PTPRO: variants seen among roughly 807,000 people sequenced by gnomAD.
PTPRO encodes receptor-type tyrosine-protein phosphatase O.
In PTPRO, 62 loss-of-function variants were observed where a neutral mutation model predicts 145.2. The ratio of observed to expected loss-of-function variants is 0.43; its 90% CI spans 0.35 to 0.53. The LOEUF (loss-of-function observed/expected upper bound fraction) is 0.53, where lower values mean the gene tolerates loss of function less well. Ranked by LOEUF, PTPRO falls within the 20% of genes least tolerant of loss-of-function variation. The probability of loss-of-function intolerance (pLI) is 0.01; values close to 1 mark genes in which losing one functional copy is unlikely to be tolerated. For synonymous variants in PTPRO, 565 were observed against 514.7 expected (o/e 1.10, Z -1.32); for missense variants, 1,345 against 1,482.7 (o/e 0.91, Z 1.53).
chr12:15,565,768 T>G (rs993621763), intron 18 of PTPRO, 140 bp downstream of exon 18: 2 of 623,008 alleles, frequency 3.2e-6, no homozygotes, highest in Non-Finnish European at 5.8e-6. Context: ...AGCACAATAA[T>G]GTACTGGTTG....
intron 1 of PTPRO, among the ~76,000 whole-genome samples, chr12:15,359,947 C>T (rs1398200763): frequency 6.6e-6 from 1 of 152,210 alleles, no homozygotes; most frequent in East Asian, 1.9e-4. Flanking sequence ...ATTCCCCAAG[C>T]ATTTTCCTCA....
At chr12:15,436,712 A>C (rs1940604503) in intron 1 of PTPRO, among the ~76,000 whole-genome samples, 1 of 152,256 alleles carries the variant, frequency 6.6e-6, no homozygotes, top group South Asian at 2.1e-4. Flanking sequence ...AAAGTCAGCC[A>C]TGCTTTGGTG....
In PTPRO at chr12:15,569,406, G is replaced by A. The variant is rs371357216; in HGVS notation, c.2748-11G>A. The A allele has an allele frequency of 6.2e-7, 1 of 1,605,530 alleles. No homozygotes were observed. The highest frequency in any genetic ancestry group is 1.7e-5 in the Admixed American group (1 of 59,970). On this transcript the variant is annotated splice_polypyrimidine_tract_variant and intron_variant, in intron 18 of 26. Coordinates refer to ENST00000281171, the MANE Select transcript of PTPRO (RefSeq NM_030667.3). The stretch of plus-strand genomic sequence containing the variant: ...TTAAAATGTATGTATATTTCTTTGT[G>A]TTTGGCAAAGCCCGGTTCAACTGGA...
At chr12:15,460,009 G>A (rs1591830827) in intron 1 of PTPRO, among the ~76,000 whole-genome samples, 1 of 152,300 alleles carries the variant, frequency 6.6e-6, no homozygotes, top group East Asian at 1.9e-4. Context: ...TGTTGCTGTA[G>A]TAGTGGAAAC....
At chr12:15,373,391 T>C (rs1300384029) in intron 1 of PTPRO, among the ~76,000 whole-genome samples, 4 of 152,208 alleles carry the variant, frequency 2.6e-5, no homozygotes, top group Admixed American at 2.0e-4. Flanking sequence ...TGGAGTTTCA[T>C]ACTGAAAGAT....
chr12:15,388,958 T>C (rs566936296), intron 1 of PTPRO, among the ~76,000 whole-genome samples: 1 of 152,242 alleles, frequency 6.6e-6, no homozygotes, highest in South Asian at 2.1e-4. Context: ...CCTCTTTCCT[T>C]ACTCTCACTG....
At chr12:15,356,802 C>T (rs1938006011) in intron 1 of PTPRO, among the ~76,000 whole-genome samples, 1 of 152,066 alleles carries the variant, frequency 6.6e-6, no homozygotes, top group South Asian at 2.1e-4. Context: ...TATTCCTTTT[C>T]TTTTTATTTT....
chr12:15,428,882 C>A (rs1211445863), intron 1 of PTPRO, among the ~76,000 whole-genome samples: 1 of 152,016 alleles, frequency 6.6e-6, no homozygotes, highest in Non-Finnish European at 1.5e-5. Flanking sequence ...AAGATGATTG[C>A]CAAAAAAGTG....
chr12:15,525,088 TCTG>T (rs1659178290), intron 11 of PTPRO, 123 bp downstream of exon 11: 1 of 1,216,210 alleles, frequency 8.2e-7, no homozygotes, highest in African/African-American at 1.5e-5. Context: ...TGTTTTAGGC[TCTG>T]GAGATAAGAC....
At chr12:15,595,481 C>T (rs11056575) in intron 26 of PTPRO, 1 of 202,962 alleles carries the variant, frequency 4.9e-6, no homozygotes, top group African/African-American at 2.3e-5. Flanking sequence ...CTCCTAAAAC[C>T]AAAAACAACA....
At chr12:15,501,215 AGC>A (rs1399826120) in intron 4 of PTPRO, among the ~76,000 whole-genome samples, 2 of 152,208 alleles carry the variant, frequency 1.3e-5, no homozygotes, top group African/African-American at 4.8e-5. Flanking sequence ...TCATCTTCAT[AGC>A]TATAAGTACA....
intron 12 of PTPRO, among the ~76,000 whole-genome samples, chr12:15,529,432 C>A (rs978421654): frequency 2.0e-5 from 3 of 148,350 alleles, no homozygotes; most frequent in Non-Finnish European, 4.4e-5. Flanking sequence ...GTTGGTGAAT[C>A]GCTTGAGCCC....
At chr12:15,348,513 C>G (rs982553542) in intron 1 of PTPRO, 1 of 152,144 alleles carries the variant, frequency 6.6e-6, no homozygotes, top group South Asian at 2.1e-4. Flanking sequence ...AATCCCAGCA[C>G]TTTGGGAGGC....
chr12:15,579,793 A>C (rs1944269957), intron 20 of PTPRO, among the ~76,000 whole-genome samples: 2 of 152,190 alleles, frequency 1.3e-5, no homozygotes, highest in South Asian at 4.1e-4. Context: ...ACACCTAAAC[A>C]ATCCTGGAAA....
At chr12:15,500,185 C>A (rs530294950) in intron 4 of PTPRO, among the ~76,000 whole-genome samples, 12 of 151,842 alleles carry the variant, frequency 7.9e-5, no homozygotes, top group Admixed American at 7.9e-4. Context: ...TAAGCAAAAT[C>A]GTATGTGCCT....
At chr12:15,509,590 G>A (rs1808324) in intron 7 of PTPRO, among the ~76,000 whole-genome samples, 86,407 of 150,368 alleles carry the variant, frequency 0.57, 26,151 homozygotes, top group Admixed American at 0.66. Flanking sequence ...CCAGCTACTC[G>A]GGAAGCTGAG....
intron 1 of PTPRO, among the ~76,000 whole-genome samples, chr12:15,470,025 G>C (rs899720214): frequency 1.3e-5 from 2 of 152,162 alleles, no homozygotes; most frequent in South Asian, 2.1e-4. Context: ...GTGAGAGACT[G>C]TCACTTAAGT....
intron 1 of PTPRO, among the ~76,000 whole-genome samples, chr12:15,419,433 G>A (rs1940071919): frequency 6.6e-6 from 1 of 151,436 alleles, no homozygotes; most frequent in South Asian, 2.1e-4. Context: ...TCTTTTCCAA[G>A]GTTCTTGGGA....
intron 1 of PTPRO, among the ~76,000 whole-genome samples, chr12:15,360,399 C>T (rs766658657): frequency 3.3e-4 from 50 of 152,050 alleles, no homozygotes; most frequent in East Asian, 9.7e-4. Context: ...ACTCTGTCTC[C>T]GCTGTAAAAG....
Sources: allele counts gnomAD v4.1 joint callset (sites outside exome capture counted in the v4.1 genomes callset), GRCh38; gene constraint gnomAD v4.1.1; transcripts MANE v1.5; gene names NCBI Gene and HGNC (gene_info 2026-07-23, HGNC 2026-07-21).